The following NCAPG2 variants were observed in gnomAD, a reference collection of about 807,000 sequenced individuals.
NCAPG2 encodes condensin-2 complex subunit G2.
NCAPG2 carries 53 observed loss-of-function variants against 141.1 expected under a neutral mutation model. The ratio of observed to expected loss-of-function variants is 0.38; its 90% confidence interval spans 0.30 to 0.47. NCAPG2 has a LOEUF of 0.47. Among genes scored for constraint, NCAPG2 ranks in the 20% least tolerant of loss-of-function variants. NCAPG2 has a pLI of 0.99. For synonymous variants in NCAPG2, 499 were observed against 490.7 expected (o/e 1.02, Z -0.22); for missense variants, 1,087 against 1,389.0 (o/e 0.78, Z 3.46).
intron 24 of NCAPG2, among the ~76,000 whole-genome samples, chr7:158,649,429 AG>A (rs1831311255): frequency 6.6e-6 from 1 of 152,250 alleles, no homozygotes; most frequent in South Asian, 2.1e-4. Context: ...AAAAGTAGCC[AG>A]AAAAAACACG....
At position 158,650,890 on chromosome 7, in the gene NCAPG2, C is replaced by A. The variant is rs754184868; in HGVS notation, c.3017G>T (p.Gly1006Val). Residue 1006 changes from glycine (G) to valine (V), a missense_variant, in exon 24 of 28, where the codon GGT becomes GTT. By Grantham distance (109) the Gly-to-Val change is moderately radical. Coordinates refer to ENST00000356309, the MANE Select transcript of NCAPG2 (RefSeq NM_017760.7). ...CCCAGCGATCAGAGTAGAAAGTACA[C>A]CCCGGTGCACAGGGGTGTCTGTGTG... ...SRHTDTPVHR[G>V]VLSTLIAGPV... The A allele has an allele frequency of 3.1e-6, 5 of 1,613,902 alleles. No homozygotes were observed. The highest frequency in any genetic ancestry group is 4.2e-6 in the Non-Finnish European group (5 of 1,179,986).
At chr7:158,639,325 T>C (rs1830486529) in intron 27 of NCAPG2, among the ~76,000 whole-genome samples, 1 of 152,068 alleles carries the variant, frequency 6.6e-6, no homozygotes, top group Non-Finnish European at 1.5e-5. Context: ...CCAGGCTGGT[T>C]GCGAACTCCT....
Position 158,653,374 on chromosome 7 carries a change from A to T in NCAPG2, c.2747-894T>A, listed in dbSNP as rs1227971472. ...AGAAAGACTTGGTCTCAAAAAAAAA[A>T]AAATAAAAAAAAAAATAATAATAAT... On this transcript the variant is annotated intron_variant, in intron 22 of 27. Transcript: ENST00000356309. Among the ~76,000 whole-genome samples the T allele has an allele frequency of 9.6e-5, 9 of 93,486 alleles. 1 individual carries two copies. Among genetic ancestry groups the T allele is most frequent in the South Asian group, 7.7e-4 (2 of 2,592 alleles). 61.3% of individuals were successfully genotyped at this position (93,486 alleles called of 152,430 possible).
At chr7:158,652,870 G>A (rs1357696554) in intron 22 of NCAPG2, among the ~76,000 whole-genome samples, 1 of 152,166 alleles carries the variant, frequency 6.6e-6, no homozygotes, top group African/African-American at 2.4e-5. Flanking sequence ...CCTATACAAT[G>A]AAACTGGCTA....
chr7:158,676,891 A>G (rs1834084938), intron 11 of NCAPG2, among the ~76,000 whole-genome samples: 2 of 152,164 alleles, frequency 1.3e-5, no homozygotes, highest in Admixed American at 1.3e-4. Context: ...AATTTCTGTA[A>G]GAGAGGGAAT....
chr7:158,681,798 G>A (rs1834468226), intron 9 of NCAPG2, among the ~76,000 whole-genome samples: 1 of 152,050 alleles, frequency 6.6e-6, no homozygotes, highest in Non-Finnish European at 1.5e-5. Flanking sequence ...ACAATTCAGT[G>A]GCTTTCAGTA....
At chr7:158,641,226 G>GAAGACAA in intron 27 of NCAPG2, 1 of 335,432 alleles carries the variant, frequency 3.0e-6, no homozygotes. Context: ...GACAGAAATA[G>GAAGACAA]GAACAAATAA....
chr7:158,675,707 A>G (rs766056610), intron 11 of NCAPG2, 51 bp from the exon 12 acceptor site: 1 of 1,563,440 alleles, frequency 6.4e-7, no homozygotes. Flanking sequence ...ATTTCCCGAA[A>G]TCCACATCTG....
rs73516465 is a variant in NCAPG2 at position 158,674,471 on chromosome 7, G to A, written c.1326+1006C>T. ...CCAGCTACTTTTTTTTGTACTTTTT[G>A]TAGAGACAGGGTTTCACCACTCCGC... On this transcript the variant is annotated intron_variant, in intron 12 of 27. Transcript: ENST00000356309. Among the ~76,000 whole-genome samples, 1,519 of 152,122 alleles carry A rather than the reference G, an allele frequency of 1.0e-2. 27 individuals carry two copies. Among genetic ancestry groups the A allele is most frequent in the African/African-American group, 0.034 (1,425 of 41,494 alleles).
At chr7:158,682,105 A>G (rs1834484042) in intron 9 of NCAPG2, among the ~76,000 whole-genome samples, 1 of 152,202 alleles carries the variant, frequency 6.6e-6, no homozygotes, top group Non-Finnish European at 1.5e-5. Flanking sequence ...CCATAAATTT[A>G]CCAAATAGTG....
chr7:158,693,237 G>T, intron 3 of NCAPG2, 72 bp downstream of exon 3: 2 of 1,452,300 alleles, frequency 1.4e-6, no homozygotes, highest in South Asian at 1.2e-5. Flanking sequence ...AAAATTCAAT[G>T]ATACACAGTG....
intron 24 of NCAPG2, among the ~76,000 whole-genome samples, chr7:158,649,174 A>G (rs1168075564): frequency 6.6e-6 from 1 of 152,220 alleles, no homozygotes; most frequent in Non-Finnish European, 1.5e-5. Context: ...CAATTCATCA[A>G]AAAGAAAAAG....
chr7:158,670,252 G>A (rs182749022), intron 13 of NCAPG2, among the ~76,000 whole-genome samples: 6 of 152,296 alleles, frequency 3.9e-5, no homozygotes, highest in Admixed American at 3.3e-4. Context: ...AACGTAATAT[G>A]TACTACATTC....
chr7:158,668,570 G>T (rs1313381335), intron 13 of NCAPG2: 1 of 411,644 alleles, frequency 2.4e-6, no homozygotes, highest in Non-Finnish European at 3.3e-6. Context: ...ATACAGTTTA[G>T]ATAAAACAAG....
At chr7:158,662,581 A>G (rs1832598766) in intron 15 of NCAPG2, among the ~76,000 whole-genome samples, 2 of 152,244 alleles carry the variant, frequency 1.3e-5, no homozygotes, top group African/African-American at 4.8e-5. Context: ...TACATCCTTT[A>G]AAGAAACAGT....
intron 2 of NCAPG2, among the ~76,000 whole-genome samples, chr7:158,698,877 C>G (rs1409322569): frequency 1.3e-5 from 2 of 151,990 alleles, no homozygotes; most frequent in African/African-American, 4.8e-5. Flanking sequence ...CCTCAAACTC[C>G]TGGGCTCAAG....
rs140018046 is a variant in NCAPG2, at chr7:158,656,502, C to A, written c.2214+50G>T. On this transcript the variant is annotated intron_variant, in intron 18 of 27. Coordinates refer to ENST00000356309, the MANE Select transcript of NCAPG2 (RefSeq NM_017760.7). ...CTAGAAAAGCATGTAATTTCTAATA[C>A]ACAGTTATCCTCACTCACCTAATTT... The A allele has an allele frequency of 6.8e-3, 10,886 of 1,607,090 alleles. 80 individuals carry two copies. The highest frequency in any genetic ancestry group is 0.03 in the Admixed American group (1,807 of 59,532).
intron 2 of NCAPG2, among the ~76,000 whole-genome samples, chr7:158,700,860 T>A (rs1048635580): frequency 6.6e-6 from 1 of 152,192 alleles, no homozygotes; most frequent in Non-Finnish European, 1.5e-5. Context: ...AGTCAGTGCC[T>A]CCAATGCTGG....
intron 17 of NCAPG2, 46 bp downstream of exon 17, chr7:158,658,292 G>T (rs1832177686): frequency 5.3e-6 from 8 of 1,523,074 alleles, no homozygotes; most frequent in South Asian, 1.2e-5. Context: ...CACAACAATG[G>T]ACAGGATTCC....
Sources: gnomAD v4.1 joint callset for allele counts (sites outside exome capture counted in the v4.1 genomes callset) on GRCh38, gnomAD v4.1.1 for gene constraint, MANE v1.5 for transcripts, NCBI Gene and HGNC (gene_info 2026-07-23, HGNC 2026-07-21) for gene names.